Variants in PLPP4 observed in about 807,000 individuals in gnomAD.
PLPP4 encodes the protein diacylglycerol pyrophosphate like 2.
In PLPP4, 20 loss-of-function variants were observed where a neutral mutation model predicts 32.2. That is an observed-to-expected ratio of 0.62 (90% CI 0.44 to 0.90). PLPP4 has a LOEUF of 0.90. Ranked by LOEUF, PLPP4 falls within the 40% of genes least tolerant of loss-of-function variation. The probability of loss-of-function intolerance (pLI) is 0.00; values close to 1 mark genes in which losing one functional copy is unlikely to be tolerated. For missense variants in PLPP4, 257 were observed against 353.1 expected, an observed-to-expected ratio of 0.73 and a Z score of 2.18; for synonymous variants, 127 against 133.0, an observed-to-expected ratio of 0.95 and a Z score of 0.31.
chr10:120,589,779 A>G lies in PLPP4; in HGVS notation c.*277A>G, dbSNP rs1010680226. ...AGCTTGGCCGATTCGTCTATCTGAA[A>G]TGTTTGCTGTAACAGCCACCTTCCT... On this transcript the variant is annotated 3_prime_UTR_variant, in exon 7 of 7. Transcript: ENST00000398250. 1.0e-5 allele frequency: 4 copies of G among 391,492 alleles called. No homozygotes were observed. The highest frequency in any genetic ancestry group is 8.1e-5 in the African/African-American group (4 of 49,328). 24.3% of individuals were successfully genotyped at this position (391,492 alleles called of 1,614,324 possible).
At chr10:120,543,604 T>C (rs970138562) in intron 5 of PLPP4, among the ~76,000 whole-genome samples, 22 of 152,170 alleles carry the variant, frequency 1.4e-4, no homozygotes, top group Admixed American at 1.3e-4. Flanking sequence ...ATTTTTTGGG[T>C]GTTGTGAAAT....
Position 120,457,281 on chromosome 10 carries a change from C to T in PLPP4, c.-25C>T. On this transcript the variant is annotated 5_prime_UTR_variant, in exon 1 of 7. Coordinates refer to ENST00000398250, the MANE Select transcript of PLPP4 (RefSeq NM_001030059.3). Reference sequence around the variant, plus strand: ...GAGCCGCGGAGAGCACCAGCTGACGCCGCGGGAGCTGCTCCGGCCGCACCA... The same window carrying T: ...GAGCCGCGGAGAGCACCAGCTGACGTCGCGGGAGCTGCTCCGGCCGCACCA... 19 of 1,481,670 alleles carry T rather than the reference C, an allele frequency of 1.3e-5. No individual in the cohort carries two copies. Among genetic ancestry groups the T allele is most frequent in the Non-Finnish European group, 1.7e-5 (19 of 1,110,574 alleles). The allele number at this position is 1,481,670 out of a possible 1,614,324, so 91.8% of individuals were successfully genotyped here.
chr10:120,497,095 C>T (rs905284254), intron 1 of PLPP4, among the ~76,000 whole-genome samples: 4 of 151,962 alleles, frequency 2.6e-5, no homozygotes, highest in Admixed American at 6.6e-5. Flanking sequence ...AGTGATGCCA[C>T]GTGTGCCTCT....
chr10:120,469,454 C>T (rs1368062951), intron 1 of PLPP4, among the ~76,000 whole-genome samples: 2 of 152,098 alleles, frequency 1.3e-5, no homozygotes, highest in Non-Finnish European at 2.9e-5. Flanking sequence ...GTCTTGATCT[C>T]CTGACCTCGT....
chr10:120,477,748 C>T (rs1844004077), intron 1 of PLPP4, among the ~76,000 whole-genome samples: 1 of 152,104 alleles, frequency 6.6e-6, no homozygotes, highest in Non-Finnish European at 1.5e-5. Context: ...TCTCTGTCAC[C>T]CCTGATATAT....
intron 3 of PLPP4, 27 bp from the exon 4 acceptor site, chr10:120,518,806 T>C (rs539039456): frequency 6.2e-7 from 1 of 1,604,276 alleles, no homozygotes; most frequent in South Asian, 1.1e-5. Flanking sequence ...GCTTGCTATT[T>C]TTCTGTCTGT....
intron 5 of PLPP4, among the ~76,000 whole-genome samples, chr10:120,564,894 A>C (rs145880648): frequency 0.011 from 1,681 of 152,196 alleles, 17 homozygotes; most frequent in Non-Finnish European, 0.017. Flanking sequence ...TATTTCTTAT[A>C]ATTACTCACA....
Position 120,590,179 on chromosome 10 carries a change from G to A in PLPP4, c.*677G>A, listed in dbSNP as rs1321372401. Among the ~76,000 whole-genome samples, 1 of 152,230 alleles carries A rather than the reference G, an allele frequency of 6.6e-6. No homozygotes were observed. Among genetic ancestry groups the A allele is most frequent in the Non-Finnish European group, 1.5e-5 (1 of 68,042 alleles). On this transcript the variant is annotated 3_prime_UTR_variant, in exon 7 of 7. Coordinates refer to ENST00000398250, the MANE Select transcript of PLPP4 (RefSeq NM_001030059.3). The stretch of plus-strand genomic sequence containing the variant: ...GGGGATGAGGTCACAGCAGTTGCCT[G>A]AGGGTTCATGGGCACAATATCCTTC...
chr10:120,514,030 G>T, intron 3 of PLPP4, 29 bp downstream of exon 3: 1 of 1,475,478 alleles, frequency 6.8e-7, no homozygotes, highest in South Asian at 1.1e-5. Flanking sequence ...CTGCTTTAGG[G>T]AATGGGGCTG....
chr10:120,457,804 C>A (rs1423762856), intron 1 of PLPP4, among the ~76,000 whole-genome samples: 1 of 152,028 alleles, frequency 6.6e-6, no homozygotes, highest in East Asian at 1.9e-4. Context: ...AGACTCCTTC[C>A]GTGTCCCTGG....
At chr10:120,520,878 G>A in intron 4 of PLPP4, 93 bp from the exon 5 acceptor site, 1 of 1,490,832 alleles carries the variant, frequency 6.7e-7, no homozygotes, top group East Asian at 2.3e-5. Flanking sequence ...GCTGAGGAAA[G>A]AGCTGGGGGC....
At chr10:120,546,174 A>G (rs1464846404) in intron 5 of PLPP4, among the ~76,000 whole-genome samples, 1 of 152,052 alleles carries the variant, frequency 6.6e-6, no homozygotes, top group Non-Finnish European at 1.5e-5. Flanking sequence ...CTTTTGTGGG[A>G]CATCACCTTG....
At chr10:120,524,357 T>A (rs1846296586) in intron 5 of PLPP4, among the ~76,000 whole-genome samples, 1 of 152,138 alleles carries the variant, frequency 6.6e-6, no homozygotes. Flanking sequence ...AACACTCTTT[T>A]TTTTCCTTAA....
At chr10:120,529,306 A>G (rs1332128978) in intron 5 of PLPP4, among the ~76,000 whole-genome samples, 2 of 152,264 alleles carry the variant, frequency 1.3e-5, no homozygotes, top group Admixed American at 1.3e-4. Flanking sequence ...GCAAAGAATT[A>G]TCTGGCCTCA....
At position 120,589,378 on chromosome 10, in the gene PLPP4, A is replaced by G. The variant is rs1849912999; in HGVS notation, c.692A>G (p.Asn231Ser). ...CYRQHYPPLA[N>S]TACHKPYVSL... ...AGACAGCACTATCCTCCTCTGGCCA[A>G]CACAGCTTGCCATAAACCCTACGTT... is the stretch of plus-strand genomic sequence containing the variant. The change falls in exon 7 of 7, where the codon AAC becomes AGC. Residue 231 changes from asparagine to serine, a missense_variant. Coordinates refer to ENST00000398250, the MANE Select transcript of PLPP4 (RefSeq NM_001030059.3). 1.2e-6 allele frequency: 2 copies of G among 1,614,142 alleles called. No individual in the cohort carries two copies. The highest frequency in any genetic ancestry group is 1.7e-6 in the Non-Finnish European group (2 of 1,180,028).
chr10:120,568,975 A>C (rs1848808234), intron 5 of PLPP4, among the ~76,000 whole-genome samples: 1 of 152,172 alleles, frequency 6.6e-6, no homozygotes, highest in South Asian at 2.1e-4. Flanking sequence ...GCGGTGGCTC[A>C]CGACTGTAAT....
At chr10:120,499,644 C>T (rs754038471) in intron 1 of PLPP4, among the ~76,000 whole-genome samples, 33 of 152,116 alleles carry the variant, frequency 2.2e-4, no homozygotes, top group Admixed American at 1.8e-3. Flanking sequence ...AGATCGGCAG[C>T]GTGGGCCCCC....
intron 5 of PLPP4, among the ~76,000 whole-genome samples, chr10:120,548,282 A>T (rs1737430058): frequency 1.3e-5 from 2 of 151,990 alleles, no homozygotes. Flanking sequence ...CTTTGTGTTC[A>T]TATATACTCA....
chr10:120,518,863 T>C lies in PLPP4; in HGVS notation c.287T>C (p.Val96Ala), dbSNP rs748066092. 3 of 1,612,942 alleles carry C rather than the reference T, an allele frequency of 1.9e-6. No individual in the cohort carries two copies. Among genetic ancestry groups the C allele is most frequent in the Admixed American group, 1.7e-5 (1 of 59,928 alleles). Residue 96 changes from valine to alanine, a missense_variant, in exon 4 of 7, where the codon GTC (valine) becomes GCC (alanine). By Grantham distance (64) the Val-to-Ala change is moderately conservative. Transcript: ENST00000398250. The stretch of plus-strand genomic sequence containing the variant: ...TCCTTGGCTCTTGCTTTGAATGGAG[T>C]CTGCACAAACACTATTAAATTAATA... Reference protein sequence around the residue: ...AVSLALALNGVCTNTIKLIVG... With the variant: ...AVSLALALNGACTNTIKLIVG...
Sources: gnomAD v4.1 joint callset for allele counts (sites outside exome capture counted in the v4.1 genomes callset) on GRCh38, gnomAD v4.1.1 for gene constraint, MANE v1.5 for transcripts, NCBI Gene and HGNC (gene_info 2026-07-23, HGNC 2026-07-21) for gene names.